The following PTPRQ variants were observed in gnomAD, a reference collection of about 807,000 sequenced individuals.
PTPRQ encodes phosphatidylinositol phosphatase PTPRQ.
A neutral mutation model predicts 246.0 loss-of-function variants in PTPRQ; 199 were observed. The observed-to-expected ratio is 0.81, with a 90% CI of 0.72 to 0.91. PTPRQ has a LOEUF of 0.91. PTPRQ is among the 40% of genes least tolerant of loss of function. PTPRQ has a pLI of 0.00. For missense variants in PTPRQ, 2,624 were observed against 2,528.4 expected (o/e 1.04, Z -0.81); for synonymous variants, 869 against 853.2 (o/e 1.02, Z -0.32).
intron 25 of PTPRQ, among the ~76,000 whole-genome samples, chr12:80,566,936 A>C (rs1896997301): frequency 6.6e-6 from 1 of 152,224 alleles, no homozygotes; most frequent in African/African-American, 2.4e-5. Flanking sequence ...TAGCATTTTT[A>C]AACTTTGGAC....
intron 24 of PTPRQ, among the ~76,000 whole-genome samples, chr12:80,548,256 G>A (rs1291459711): frequency 6.6e-6 from 1 of 151,054 alleles, no homozygotes; most frequent in Non-Finnish European, 1.5e-5. Context: ...TTTTTTTTGA[G>A]GTTCAAAAAA....
At chr12:80,506,728 C>T (rs1490129372) in intron 16 of PTPRQ, 58 bp downstream of exon 16, 18 of 1,439,084 alleles carry the variant, frequency 1.3e-5, no homozygotes, top group South Asian at 1.1e-4. Flanking sequence ...AAGAAACACA[C>T]GTATAGAATG....
intron 35 of PTPRQ, among the ~76,000 whole-genome samples, chr12:80,638,157 A>G (rs561208351): frequency 9.2e-5 from 14 of 151,852 alleles, no homozygotes; most frequent in African/African-American, 3.4e-4. Flanking sequence ...AATCCCAGCT[A>G]CTCAGGAGGC....
At chr12:80,628,027 AT>A (rs1399676721) in intron 33 of PTPRQ, among the ~76,000 whole-genome samples, 1 of 152,058 alleles carries the variant, frequency 6.6e-6, no homozygotes, top group South Asian at 2.1e-4. Context: ...TCTAAAAAAA[AT>A]TTTTTGTGTG....
At chr12:80,649,036 C>A in intron 36 of PTPRQ, 113 bp downstream of exon 36, 2 of 992,256 alleles carry the variant, frequency 2.0e-6, no homozygotes, top group Non-Finnish European at 2.8e-6. Flanking sequence ...GAAAAACCTC[C>A]AAGCTGGATA....
At chr12:80,642,935 A>C (rs28434704) in intron 35 of PTPRQ, among the ~76,000 whole-genome samples, 4 of 145,560 alleles carry the variant, frequency 2.7e-5, no homozygotes, top group Non-Finnish European at 5.9e-5. Context: ...AAAAAAAAAA[A>C]AAAAAAAAAA....
At chr12:80,470,570 G>A (rs146557026) in intron 7 of PTPRQ, among the ~76,000 whole-genome samples, 1 of 152,244 alleles carries the variant, frequency 6.6e-6, no homozygotes, top group East Asian at 1.9e-4. Flanking sequence ...TCAAGGTTTG[G>A]CTATGAATAA....
At chr12:80,504,202 T>G (rs2120689257) in intron 14 of PTPRQ, among the ~76,000 whole-genome samples, 1 of 151,834 alleles carries the variant, frequency 6.6e-6, no homozygotes. Context: ...CATAACTGTC[T>G]TCTTTGATCT....
At chr12:80,523,904 C>T (rs1314720709) in intron 17 of PTPRQ, among the ~76,000 whole-genome samples, 1 of 152,016 alleles carries the variant, frequency 6.6e-6, no homozygotes, top group South Asian at 2.1e-4. Context: ...AGCTGAGTTC[C>T]ATTCCTGGAT....
intron 39 of PTPRQ, among the ~76,000 whole-genome samples, chr12:80,663,568 A>G (rs888808259): frequency 6.6e-6 from 1 of 151,836 alleles, no homozygotes; most frequent in Admixed American, 6.6e-5. Context: ...ACCATCCCCT[A>G]AGTCACTTTC....
At chr12:80,450,637 A>G (rs1892729073) in intron 3 of PTPRQ, among the ~76,000 whole-genome samples, 2 of 152,042 alleles carry the variant, frequency 1.3e-5, no homozygotes, top group Non-Finnish European at 2.9e-5. Flanking sequence ...TGAGATAATC[A>G]TGCGGTTTTT....
chr12:80,510,522 C>A, intron 17 of PTPRQ, 79 bp downstream of exon 17: 1 of 1,309,560 alleles, frequency 7.6e-7, no homozygotes, highest in Non-Finnish European at 1.0e-6. Flanking sequence ...TTTTAGATTT[C>A]AGAATGTGGT....
chr12:80,563,047 T>C (rs2120925491), intron 25 of PTPRQ, among the ~76,000 whole-genome samples: 1 of 152,268 alleles, frequency 6.6e-6, no homozygotes, highest in Middle Eastern at 3.4e-3. Context: ...TACTCCCTAA[T>C]ATGAAATAGG....
chr12:80,678,979 GT>G lies in PTPRQ; in HGVS notation c.6863-5del. 6.5e-7 allele frequency: 1 copy of G among 1,544,184 alleles called. No individual in the cohort carries two copies. The highest frequency in any genetic ancestry group is 1.2e-5 in the South Asian group (1 of 82,488). ...ACTCTCTTGTAACATGTTACTTTCT[GT>G]TATAGGTGATGTTGAGCTTGAATGG... On this transcript the variant is annotated splice_region_variant and splice_polypyrimidine_tract_variant and intron_variant, in intron 44 of 44. Coordinates refer to ENST00000644991, the MANE Select transcript of PTPRQ (RefSeq NM_001145026.2).
rs189974206 is a variant in PTPRQ at position 80,524,648 on chromosome 12, T to C, written c.2679-9367T>C. ...ATTCTGTTGGTTGACAGGCTTAGGA[T>C]TGTATTTTTAGCTTACCGTGTACTA... On this transcript the variant is annotated intron_variant, in intron 17 of 44. Coordinates refer to ENST00000644991, the MANE Select transcript of PTPRQ (RefSeq NM_001145026.2). 7.2e-4 allele frequency among the ~76,000 whole-genome samples: 109 copies of C among 152,262 alleles called. 1 individual carries two copies. The highest frequency in any genetic ancestry group is 2.3e-3 in the African/African-American group (97 of 41,560).
chr12:80,605,662 C>A (rs2121081905), intron 27 of PTPRQ, among the ~76,000 whole-genome samples: 1 of 150,908 alleles, frequency 6.6e-6, no homozygotes, highest in East Asian at 2.0e-4. Context: ...TGAAGCAGAA[C>A]ATAAAAGGTA....
At chr12:80,561,165 T>G (rs1896811852) in intron 25 of PTPRQ, 2 of 152,208 alleles carry the variant, frequency 1.3e-5, no homozygotes, top group Admixed American at 1.3e-4. Flanking sequence ...GAGAAACACA[T>G]AGTATCCCAA....
intron 17 of PTPRQ, among the ~76,000 whole-genome samples, chr12:80,515,185 G>A (rs1039767599): frequency 6.6e-6 from 1 of 151,948 alleles, no homozygotes. Context: ...TTGGGGAGAG[G>A]AGGCAGGTAT....
At chr12:80,612,081 A>G (rs937792420) in intron 28 of PTPRQ, among the ~76,000 whole-genome samples, 17 of 150,398 alleles carry the variant, frequency 1.1e-4, no homozygotes, top group African/African-American at 4.1e-4. Context: ...GTATGGAAGG[A>G]TATAACTATT....
Sources: gnomAD v4.1 joint callset for allele counts (sites outside exome capture counted in the v4.1 genomes callset) on GRCh38, gnomAD v4.1.1 for gene constraint, MANE v1.5 for transcripts, NCBI Gene and HGNC (gene_info 2026-07-23, HGNC 2026-07-21) for gene names.